The following AK7 variants were observed in gnomAD, a reference collection of about 807,000 sequenced individuals.
AK7 encodes the protein ATP-AMP transphosphorylase 7.
AK7 carries 78 observed loss-of-function variants against 96.6 expected under a neutral mutation model. The ratio of observed to expected loss-of-function variants is 0.81; its 90% CI spans 0.67 to 0.97. The LOEUF (loss-of-function observed/expected upper bound fraction) is 0.97. Among genes scored for constraint, AK7 ranks in the 50% least tolerant of loss-of-function variants. The pLI is 0.00. For missense variants in AK7, 855 were observed against 887.9 expected (o/e 0.96, Z 0.47); for synonymous variants, 302 against 317.2 (o/e 0.95, Z 0.51).
chr14:96,414,763 T>TTC (rs1160402624), intron 4 of AK7, among the ~76,000 whole-genome samples: 6 of 145,008 alleles, frequency 4.1e-5, no homozygotes, highest in Non-Finnish European at 7.6e-5. Flanking sequence ...CCTTCTTTTT[T>TTC]TTTTTTTTTT....
intron 4 of AK7, 88 bp downstream of exon 4, chr14:96,409,029 T>G: frequency 1.0e-4 from 135 of 1,320,602 alleles, no homozygotes; most frequent in Non-Finnish European, 1.3e-4. Flanking sequence ...TATGGCGAGT[T>G]GTGTATTCTC....
chr14:96,424,310 TAC>T lies in AK7; in HGVS notation c.609+3380_609+3381del, dbSNP rs1891898192. The T allele has an allele frequency of 2.5e-5, 10 of 396,752 alleles. 1 individual carries two copies. Among genetic ancestry groups the T allele is most frequent in the Non-Finnish European group, 4.1e-5 (9 of 218,148 alleles). 24.6% of individuals were successfully genotyped at this position (396,752 alleles called of 1,614,324 possible). On this transcript the variant is annotated intron_variant, in intron 5 of 17. Coordinates refer to ENST00000267584, the MANE Select transcript of AK7 (RefSeq NM_152327.5). ...CGGGGGTCTCCGCCAGCTGAAAAAT[TAC>T]AGAGGGCTTACTGTGTTCTCAGTAT...
intron 3 of AK7, 100 bp from the exon 4 acceptor site, chr14:96,408,747 C>G (rs1890867916): frequency 1.0e-6 from 1 of 990,006 alleles, no homozygotes; most frequent in Non-Finnish European, 1.5e-6. Flanking sequence ...TAACAGCACC[C>G]TGGTGTTAAG....
chr14:96,433,602 G>A (rs957429009), intron 5 of AK7, among the ~76,000 whole-genome samples: 11 of 152,162 alleles, frequency 7.2e-5, no homozygotes, highest in Middle Eastern at 3.4e-3. Flanking sequence ...TAGCTTCCTT[G>A]CGATGTGTTC....
intron 4 of AK7, among the ~76,000 whole-genome samples, chr14:96,413,117 C>A (rs1208387932): frequency 3.3e-5 from 5 of 152,112 alleles, no homozygotes; most frequent in African/African-American, 1.2e-4. Flanking sequence ...GTGTCTTGGG[C>A]CAGTGAAAAC....
chr14:96,396,625 T>C (rs200835863), intron 1 of AK7, among the ~76,000 whole-genome samples: 3 of 152,368 alleles, frequency 2.0e-5, no homozygotes, highest in East Asian at 3.9e-4. Context: ...GGTTTTATTA[T>C]ATCTTTATTC....
At chr14:96,427,648 T>C (rs1300854019) in intron 5 of AK7, among the ~76,000 whole-genome samples, 5 of 152,248 alleles carry the variant, frequency 3.3e-5, no homozygotes, top group African/African-American at 9.6e-5. Flanking sequence ...ACTTGGATTG[T>C]TGATATCTTT....
chr14:96,398,431 C>G (rs1034191890), intron 2 of AK7, 168 bp downstream of exon 2: 5 of 680,320 alleles, frequency 7.3e-6, no homozygotes, highest in African/African-American at 7.2e-5. Flanking sequence ...CTCACAGACC[C>G]CACTTTTAAT....
chr14:96,438,290 G>C (rs1235114270), intron 6 of AK7, among the ~76,000 whole-genome samples: 3 of 152,138 alleles, frequency 2.0e-5, no homozygotes, highest in Non-Finnish European at 4.4e-5. Flanking sequence ...GGTAAATGTT[G>C]AGTATTTCAG....
Position 96,487,000 on chromosome 14 carries a change from A to T in AK7, c.2077A>T (p.Ile693Phe). The T allele has an allele frequency of 1.2e-6, 2 of 1,614,170 alleles. No homozygotes were observed. The highest frequency in any genetic ancestry group is 1.7e-6 in the Non-Finnish European group (2 of 1,180,020). Residue 693 changes from isoleucine (I) to phenylalanine (F), a missense_variant, in exon 17 of 18, where the codon ATT becomes TTT. Transcript: ENST00000267584. ...YLMTYVMPTL[I>F]QGLNECCNVR... ...AATGACCTATGTGATGCCAACTCTT[A>T]TTCAGGGCCTGAATGAATGTTGCAA...
chr14:96,482,811 C>T (rs372978158), intron 15 of AK7, among the ~76,000 whole-genome samples, 188 bp from the exon 16 acceptor site: 1 of 152,178 alleles, frequency 6.6e-6, no homozygotes, highest in East Asian at 1.9e-4. Context: ...ACCCACAGCC[C>T]TCAGACTCTG....
chr14:96,477,337 G>A (rs1481848900), intron 14 of AK7, among the ~76,000 whole-genome samples: 2 of 152,140 alleles, frequency 1.3e-5, no homozygotes, highest in Non-Finnish European at 2.9e-5. Flanking sequence ...ACCCACTCAA[G>A]GAAGCTTATT....
At chr14:96,456,668 G>A (rs1465559469) in intron 11 of AK7, 193 bp downstream of exon 11, 1 of 539,566 alleles carries the variant, frequency 1.9e-6, no homozygotes, top group Admixed American at 3.1e-5. Context: ...GGCCTGAGAA[G>A]AGTGTTGACC....
rs1282681433 is a variant in AK7 at position 96,399,898 on chromosome 14, G to A, written c.294+1635G>A. Among the ~76,000 whole-genome samples the A allele has an allele frequency of 1.3e-5, 2 of 151,902 alleles. No individual in the cohort carries two copies. The highest frequency in any genetic ancestry group is 2.9e-5 in the Non-Finnish European group (2 of 67,996). The stretch of plus-strand genomic sequence containing the variant: ...CCCTATAGCTTCAGCTCCCCATATA[G>A]CCAGTGCTTTTTTTGCCTGTCTGCA... On this transcript the variant is annotated intron_variant, in intron 2 of 17. Coordinates refer to ENST00000267584, the MANE Select transcript of AK7 (RefSeq NM_152327.5). The surrounding 1 kb of genome is among the most constrained non-coding windows in gnomAD (Gnocchi z 4.1).
At chr14:96,408,817 A>G in intron 3 of AK7, 30 bp from the exon 4 acceptor site, 2 of 1,611,812 alleles carry the variant, frequency 1.2e-6, no homozygotes, top group Non-Finnish European at 1.7e-6. Context: ...GCATGGGTCC[A>G]AATAACCACT....
chr14:96,484,569 A>G (rs1458004218), intron 16 of AK7, among the ~76,000 whole-genome samples: 4 of 152,302 alleles, frequency 2.6e-5, no homozygotes, highest in Non-Finnish European at 5.9e-5. Flanking sequence ...CAGTGCACCA[A>G]TGGTGGTCTT....
chr14:96,393,969 C>A (rs1005484715), intron 1 of AK7, among the ~76,000 whole-genome samples: 2 of 151,960 alleles, frequency 1.3e-5, no homozygotes, highest in African/African-American at 4.8e-5. Flanking sequence ...ATTAACCGGG[C>A]GTGGTGGCAG....
chr14:96,444,699 C>A (rs1007605757), intron 7 of AK7, among the ~76,000 whole-genome samples: 1 of 152,072 alleles, frequency 6.6e-6, no homozygotes, highest in Admixed American at 6.5e-5. Context: ...CTGGTACTAA[C>A]CTATCGGTTA....
intron 12 of AK7, among the ~76,000 whole-genome samples, chr14:96,465,551 C>T (rs2140142742): frequency 6.6e-6 from 1 of 151,782 alleles, no homozygotes; most frequent in Non-Finnish European, 1.5e-5. Context: ...TAAAGGAAAA[C>T]CGTGTTTCTT....
Sources: allele counts gnomAD v4.1 joint callset (sites outside exome capture counted in the v4.1 genomes callset), GRCh38; gene constraint gnomAD v4.1.1; non-coding constraint Gnocchi (gnomAD v3.1); transcripts MANE v1.5; gene names NCBI Gene and HGNC (gene_info 2026-07-23, HGNC 2026-07-21).